CDH10: variants seen among roughly 807,000 people sequenced by gnomAD.
The protein encoded by CDH10 is cadherin-10.
Under a neutral mutation model 73.1 loss-of-function variants are expected in CDH10, and 30 were observed. The ratio of observed to expected loss-of-function variants is 0.41; its 90% confidence interval spans 0.31 to 0.56. The LOEUF is 0.56. CDH10 is among the 20% of genes least tolerant of loss of function. The pLI is 0.27. For missense variants in CDH10, 815 were observed against 973.7 expected, an observed-to-expected ratio of 0.84 and a Z score of 2.17; for synonymous variants, 345 against 348.2, an observed-to-expected ratio of 0.99 and a Z score of 0.10.
In CDH10 at chr5:24,509,707, T is replaced by G. The variant is rs970725025; in HGVS notation, c.1115A>C (p.Lys372Thr). 6.2e-7 allele frequency: 1 copy of G among 1,613,336 alleles called. No homozygotes were observed. Among genetic ancestry groups the G allele is most frequent in the Non-Finnish European group, 8.5e-7 (1 of 1,179,278 alleles). Reference sequence around the variant, plus strand: ...TTCATCCACATCTTCTATAGAGATTTTCACTATGGTAGTATCTTTAAATGG... The same window carrying G: ...TTCATCCACATCTTCTATAGAGATTGTCACTATGGTAGTATCTTTAAATGG... ...LGPFKDTTIV[K>T]ISIEDVDEPP... is the part of the protein sequence containing the mutation. Residue 372 changes from lysine (K) to threonine (T), a missense_variant, in exon 7 of 12, where the codon AAA becomes ACA. By Grantham distance (78) the Lys-to-Thr change is moderately conservative. Coordinates refer to ENST00000264463, the MANE Select transcript of CDH10 (RefSeq NM_006727.5).
Position 24,528,169 on chromosome 5 carries a change from T to C in CDH10, c.814+6943A>G, listed in dbSNP as rs149179972. ...GGTCACAGTAAAAAATCACACTGTA[T>C]CTAATGAACATAAATCGTAGAACAG... On this transcript the variant is annotated intron_variant, in intron 5 of 11. Coordinates refer to ENST00000264463, the MANE Select transcript of CDH10 (RefSeq NM_006727.5). 1.6e-3 allele frequency among the ~76,000 whole-genome samples: 236 copies of C among 151,930 alleles called. 1 individual carries two copies. The highest frequency in any genetic ancestry group is 5.3e-3 in the African/African-American group (221 of 41,466).
chr5:24,614,270 G>A (rs1747055930), intron 1 of CDH10, among the ~76,000 whole-genome samples: 1 of 152,136 alleles, frequency 6.6e-6, no homozygotes, highest in South Asian at 2.1e-4. Context: ...ATGCAAACAA[G>A]TATGGATAAT....
chr5:24,554,389 A>G (rs1158891702), intron 2 of CDH10, among the ~76,000 whole-genome samples: 2 of 151,956 alleles, frequency 1.3e-5, no homozygotes, highest in African/African-American at 4.8e-5. Flanking sequence ...AATATCTTAC[A>G]TGCCTGTGAA....
chr5:24,620,925 C>T lies in CDH10; in HGVS notation c.-124+23669G>A, dbSNP rs1256073936. 2.0e-5 allele frequency among the ~76,000 whole-genome samples: 3 copies of T among 152,148 alleles called. No homozygotes were observed. In the South Asian group the frequency reaches 6.2e-4, roughly 32 times the overall value. ...AACTTTTGAAGGTTTATGGAAAACT[C>T]TTTTTAGTTCCATCTTATCGTCAAG... On this transcript the variant is annotated intron_variant, in intron 1 of 11. Transcript: ENST00000264463.
chr5:24,584,856 T>C (rs550308183), intron 2 of CDH10, among the ~76,000 whole-genome samples: 51 of 150,966 alleles, frequency 3.4e-4, no homozygotes, highest in African/African-American at 9.7e-4. Context: ...GCTTTTTTTT[T>C]TCCCCCCTGA....
intron 2 of CDH10, chr5:24,578,364 T>C (rs1579834819): frequency 4.6e-6 from 1 of 216,754 alleles, no homozygotes; most frequent in East Asian, 1.3e-4. Flanking sequence ...AGAAGCATCT[T>C]CATCTTCTTC....
At chr5:24,557,619 G>A (rs542763905) in intron 2 of CDH10, among the ~76,000 whole-genome samples, 35 of 151,808 alleles carry the variant, frequency 2.3e-4, no homozygotes, top group African/African-American at 6.0e-4. Flanking sequence ...AAAAGAAAAT[G>A]AGATGAATTC....
At chr5:24,529,706 C>G (rs1427181887) in intron 5 of CDH10, among the ~76,000 whole-genome samples, 1 of 151,816 alleles carries the variant, frequency 6.6e-6, no homozygotes, top group African/African-American at 2.4e-5. Flanking sequence ...GAGAGTCACT[C>G]AATCATACAG....
At chr5:24,547,673 G>A (rs1358986929) in intron 2 of CDH10, among the ~76,000 whole-genome samples, 1 of 152,120 alleles carries the variant, frequency 6.6e-6, no homozygotes, top group Non-Finnish European at 1.5e-5. Context: ...GAGAATTGTG[G>A]TTCTTAGATT....
chr5:24,530,216 T>C (rs945935909), intron 5 of CDH10, among the ~76,000 whole-genome samples: 10 of 151,630 alleles, frequency 6.6e-5, no homozygotes, highest in African/African-American at 2.4e-4. Context: ...AAGGCAAAGA[T>C]GGAATTAGCC....
intron 1 of CDH10, among the ~76,000 whole-genome samples, chr5:24,613,733 A>C (rs1459691484): frequency 6.6e-6 from 1 of 152,082 alleles, no homozygotes; most frequent in African/African-American, 2.4e-5. Context: ...GTTTCTCATG[A>C]ACATATATTC....
rs183394599 is a variant in CDH10, at chr5:24,595,839, C to T, written c.-123-2226G>A. ...TTATAACCTTCCCTAGTGTGAAAAG[C>T]CTACTCACCAATGTTTTGGAAAAGA... is the stretch of plus-strand genomic sequence containing the variant. On this transcript the variant is annotated intron_variant, in intron 1 of 11. Coordinates refer to ENST00000264463, the MANE Select transcript of CDH10 (RefSeq NM_006727.5). Among the ~76,000 whole-genome samples, 285 of 151,968 alleles carry T rather than the reference C, an allele frequency of 1.9e-3. 1 individual carries two copies. The highest frequency in any genetic ancestry group is 5.1e-3 in the Admixed American group (77 of 15,204).
chr5:24,600,982 T>C (rs563791248), intron 1 of CDH10, among the ~76,000 whole-genome samples: 1 of 151,182 alleles, frequency 6.6e-6, no homozygotes, highest in East Asian at 1.9e-4. Flanking sequence ...TATATGTGGC[T>C]TTTTTTTTCT....
At chr5:24,628,773 C>T (rs1747595635) in intron 1 of CDH10, among the ~76,000 whole-genome samples, 1 of 151,858 alleles carries the variant, frequency 6.6e-6, no homozygotes, top group Admixed American at 6.6e-5. Context: ...CTTCCATATT[C>T]ATTCCTGCCT....
chr5:24,541,268 T>C (rs964128767), intron 2 of CDH10, among the ~76,000 whole-genome samples: 4 of 152,026 alleles, frequency 2.6e-5, no homozygotes, highest in African/African-American at 9.7e-5. Flanking sequence ...TCCCATCTTC[T>C]TTTTAAATTT....
chr5:24,619,573 T>C (rs142300198), intron 1 of CDH10, among the ~76,000 whole-genome samples: 12 of 152,304 alleles, frequency 7.9e-5, no homozygotes, highest in African/African-American at 1.9e-4. Context: ...TTCAAGGCTA[T>C]GTGGTAAAAC....
intron 5 of CDH10, among the ~76,000 whole-genome samples, chr5:24,528,823 G>T (rs993334845): frequency 2.6e-5 from 4 of 151,914 alleles, no homozygotes; most frequent in Non-Finnish European, 1.5e-5. Context: ...ATCTTTCTAG[G>T]TGTAGTGCTT....
chr5:24,527,648 T>C (rs990740922), intron 5 of CDH10, among the ~76,000 whole-genome samples: 2 of 151,812 alleles, frequency 1.3e-5, no homozygotes, highest in African/African-American at 4.8e-5. Flanking sequence ...TGTAACACAA[T>C]GGTATTTGTG....
intron 1 of CDH10, among the ~76,000 whole-genome samples, chr5:24,599,160 C>A (rs984759075): frequency 3.3e-5 from 5 of 152,118 alleles, no homozygotes; most frequent in African/African-American, 1.2e-4. Flanking sequence ...GCACCTGCTG[C>A]CTCCTGAAAG....
Sources: gnomAD v4.1 joint callset for allele counts (sites outside exome capture counted in the v4.1 genomes callset) on GRCh38, gnomAD v4.1.1 for gene constraint, MANE v1.5 for transcripts, NCBI Gene and HGNC (gene_info 2026-07-23, HGNC 2026-07-21) for gene names.